Variants in STARD9 observed in about 807,000 individuals in gnomAD.
The protein encoded by STARD9 is StAR related lipid transfer domain containing 9.
In STARD9, 346 loss-of-function variants were observed where a neutral mutation model predicts 399.8. The ratio of observed to expected loss-of-function variants is 0.87; its 90% CI spans 0.79 to 0.95. The LOEUF (loss-of-function observed/expected upper bound fraction) is 0.95, where lower values mean the gene tolerates loss of function less well. STARD9 is among the 40% of genes least tolerant of loss of function. STARD9 has a pLI of 0.00. For missense variants in STARD9, 5,832 were observed against 5,667.5 expected (o/e 1.03, Z -0.93); for synonymous variants, 2,203 against 2,143.5 (o/e 1.03, Z -0.77).
At chr15:42,583,635 A>G (rs867494390) in intron 2 of STARD9, among the ~76,000 whole-genome samples, 1 of 152,214 alleles carries the variant, frequency 6.6e-6, no homozygotes, top group African/African-American at 2.4e-5. Flanking sequence ...TTTATCAGAT[A>G]GGGTGCATCT....
At chr15:42,588,627 C>T (rs1439789762) in intron 3 of STARD9, among the ~76,000 whole-genome samples, 1 of 151,992 alleles carries the variant, frequency 6.6e-6, no homozygotes, top group African/African-American at 2.4e-5. Flanking sequence ...GCCCTCATTG[C>T]TTTAACACAG....
Position 42,692,460 on chromosome 15 carries a change from T to A in STARD9, c.10882T>A (p.Cys3628Ser). 6.5e-7 allele frequency: 1 copy of A among 1,537,056 alleles called. No individual in the cohort carries two copies. The highest frequency in any genetic ancestry group is 8.7e-7 in the Non-Finnish European group (1 of 1,146,900). Residue 3628 changes from cysteine to serine, a missense_variant, in exon 23 of 33, where the codon TGC (cysteine) becomes AGC (serine). Transcript: ENST00000290607. ...GCTGCTGTATCCATCAGAGGCAGGC[T>A]GCCCTGTGGGACAGACCAGGACGAA... ...IMLLYPSEAG[C>S]PVGQTRTNTF...
chr15:42,667,521 A>C (rs2060126266), intron 15 of STARD9, among the ~76,000 whole-genome samples: 1 of 150,646 alleles, frequency 6.6e-6, no homozygotes, highest in East Asian at 2.0e-4. Context: ...CGCTCTTGTC[A>C]TCCAGGCTGG....
intron 9 of STARD9, among the ~76,000 whole-genome samples, chr15:42,653,416 T>C (rs1205863203): frequency 2.0e-5 from 3 of 152,212 alleles, no homozygotes; most frequent in South Asian, 4.1e-4. Context: ...AAATCATTTA[T>C]AGATCTAAGA....
Position 42,692,475 on chromosome 15 carries a change from A to G in STARD9, c.10897A>G (p.Thr3633Ala). 2.0e-6 allele frequency: 3 copies of G among 1,537,114 alleles called. No individual in the cohort carries two copies. Among genetic ancestry groups the G allele is most frequent in the Middle Eastern group, 1.7e-4 (1 of 5,990 alleles). Residue 3633 changes from threonine to alanine, a missense_variant, in exon 23 of 33, where the codon ACC (threonine) becomes GCC (alanine). Around this residue, in one of 2 missense-constraint regions of STARD9, gnomAD observed 5,828 missense variants for 5,651.1 expected, o/e 1.03. Coordinates refer to ENST00000290607, the MANE Select transcript of STARD9 (RefSeq NM_020759.3). ...PSEAGCPVGQ[T>A]RTNTFEQGTQ... is the part of the protein sequence containing the mutation. ...AGAGGCAGGCTGCCCTGTGGGACAG[A>G]CCAGGACGAACACATTCGAACAGGG...
At chr15:42,638,877 C>T (rs762063063) in intron 7 of STARD9, 65 bp downstream of exon 7, 21 of 918,298 alleles carry the variant, frequency 2.3e-5, no homozygotes, top group Admixed American at 1.0e-4. Context: ...CCTAATGTTC[C>T]CTAATTCATT....
At chr15:42,590,549 A>G (rs1429844874) in intron 3 of STARD9, among the ~76,000 whole-genome samples, 1 of 152,214 alleles carries the variant, frequency 6.6e-6, no homozygotes, top group Non-Finnish European at 1.5e-5. Flanking sequence ...GTTGACAAGA[A>G]TGTCACCTGA....
At chr15:42,616,379 C>T (rs2058962606) in intron 3 of STARD9, among the ~76,000 whole-genome samples, 1 of 152,200 alleles carries the variant, frequency 6.6e-6, no homozygotes, top group African/African-American at 2.4e-5. Flanking sequence ...GGTAAAGTTT[C>T]TTCCACTGTA....
rs1348467858 is a variant in STARD9, at chr15:42,685,271, C to G, written c.3693C>G (p.Pro1231=). ...TCCCTGGTTCAGCTGACGAGATACC[C>G]ACAGAGACTTTTTGGCACCTGGAGG... The part of the protein sequence containing the change: ...EPFPGSADEI[P]TETFWHLEDS... The change falls in exon 23 of 33, where the codon CCC becomes CCG. Residue 1231 remains proline, a synonymous_variant. Coordinates refer to ENST00000290607, the MANE Select transcript of STARD9 (RefSeq NM_020759.3). The G allele has an allele frequency of 2.0e-5, 31 of 1,537,426 alleles. No homozygotes were observed. The highest frequency in any genetic ancestry group is 2.7e-5 in the Non-Finnish European group (31 of 1,147,000).
At chr15:42,652,395 A>G (rs1595710326) in intron 8 of STARD9, 125 bp from the exon 9 acceptor site, 3 of 781,938 alleles carry the variant, frequency 3.8e-6, no homozygotes, top group Non-Finnish European at 6.4e-6. Flanking sequence ...TGGACTAAAT[A>G]TGTGTGTTTT....
intron 26 of STARD9, among the ~76,000 whole-genome samples, chr15:42,707,497 T>C (rs1276388255): frequency 1.4e-5 from 2 of 141,844 alleles, no homozygotes; most frequent in African/African-American, 5.3e-5. Flanking sequence ...TGAGACAGAG[T>C]CTTGCTGTGT....
chr15:42,612,258 C>T (rs1375666561), intron 3 of STARD9, among the ~76,000 whole-genome samples: 5 of 152,116 alleles, frequency 3.3e-5, no homozygotes, highest in South Asian at 2.1e-4. Context: ...CATTACAGGC[C>T]GGAGCCACCT....
chr15:42,632,935 G>A (rs2059359002), intron 3 of STARD9, among the ~76,000 whole-genome samples: 1 of 152,088 alleles, frequency 6.6e-6, no homozygotes, highest in African/African-American at 2.4e-5. Context: ...TTGAGTCCAG[G>A]AGTTCAGTAC....
Position 42,684,300 on chromosome 15 carries a change from G to A in STARD9, c.2722G>A (p.Ala908Thr). ...TCATGGGCAGCCCTGCACAGCCAGA[G>A]CAGCCTTGGCCAGGAAGGGAGCCTC... The part of the protein sequence containing the change: ...SGHGQPCTAR[A>T]ALARKGASAP... The change falls in exon 23 of 33, where the codon GCA (alanine) becomes ACA (threonine). Residue 908 changes from alanine (A) to threonine (T), a missense_variant. Around this residue, in one of 2 missense-constraint regions of STARD9, gnomAD observed 5,828 missense variants for 5,651.1 expected, o/e 1.03. Coordinates refer to ENST00000290607, the MANE Select transcript of STARD9 (RefSeq NM_020759.3). The A allele has an allele frequency of 6.5e-7, 1 of 1,537,046 alleles. No homozygotes were observed. The highest frequency in any genetic ancestry group is 8.7e-7 in the Non-Finnish European group (1 of 1,146,806).
At chr15:42,638,545 G>A (rs577470097) in intron 6 of STARD9, among the ~76,000 whole-genome samples, 155 bp from the exon 7 acceptor site, 3 of 152,284 alleles carry the variant, frequency 2.0e-5, no homozygotes, top group Admixed American at 2.0e-4. Context: ...TATATGTATG[G>A]AAAGAGAATC....
intron 3 of STARD9, among the ~76,000 whole-genome samples, chr15:42,626,961 C>T (rs1167626475): frequency 6.6e-6 from 1 of 151,974 alleles, no homozygotes; most frequent in African/African-American, 2.4e-5. Flanking sequence ...AGCGATCCTT[C>T]AACTTCAGCC....
At chr15:42,586,933 C>T (rs1211170057) in intron 3 of STARD9, among the ~76,000 whole-genome samples, 1 of 151,618 alleles carries the variant, frequency 6.6e-6, no homozygotes, top group Non-Finnish European at 1.5e-5. Flanking sequence ...CAGCTCACTT[C>T]AGCCTCTTTC....
At chr15:42,694,411 T>G (rs775889837) in intron 23 of STARD9, 69 bp downstream of exon 23, 27 of 1,530,560 alleles carry the variant, frequency 1.8e-5, no homozygotes, top group Non-Finnish European at 2.4e-5. Context: ...CCAAGAAAGC[T>G]AATAGCTTGC....
chr15:42,686,907 A>T lies in STARD9; in HGVS notation c.5329A>T (p.Arg1777Trp), dbSNP rs28680600. 2 of 1,536,694 alleles carry T rather than the reference A, an allele frequency of 1.3e-6. No individual in the cohort carries two copies. The highest frequency in any genetic ancestry group is 1.7e-6 in the Non-Finnish European group (2 of 1,146,814). The stretch of plus-strand genomic sequence containing the variant: ...AGTAAGGGTACCCTCCCCACCCCCC[A>T]GGGAAGCCTGGGGCTTTGGTCACAA... ...REVRVPSPPP[R>W]EAWGFGHNHQ... Residue 1777 changes from arginine (R) to tryptophan (W), a missense_variant, in exon 23 of 33, where the codon AGG becomes TGG. Transcript: ENST00000290607.
Sources: allele counts gnomAD v4.1 joint callset (sites outside exome capture counted in the v4.1 genomes callset), GRCh38; gene constraint gnomAD v4.1.1; regional missense constraint gnomAD v4.1.1; transcripts MANE v1.5; gene names NCBI Gene and HGNC (gene_info 2026-07-23, HGNC 2026-07-21).